The following KLHL29 variants were observed in gnomAD, a reference collection of about 807,000 sequenced individuals.
The protein encoded by KLHL29 is kelch like family member 29.
KLHL29 carries 21 observed loss-of-function variants against 80.4 expected under a neutral mutation model. The ratio of observed to expected loss-of-function variants is 0.26; its 90% CI spans 0.19 to 0.38. KLHL29 has a LOEUF of 0.38. Ranked by LOEUF, KLHL29 falls within the 10% of genes least tolerant of loss-of-function variation. The pLI, the probability that KLHL29 is intolerant of heterozygous loss-of-function variation, is 1.00. For synonymous variants in KLHL29, 511 were observed against 526.8 expected (o/e 0.97, Z 0.41); for missense variants, 867 against 1,223.9 (o/e 0.71, Z 4.35).
intron 2 of KLHL29, among the ~76,000 whole-genome samples, chr2:23,535,617 A>G (rs1376421014): frequency 6.6e-6 from 1 of 152,228 alleles, no homozygotes; most frequent in Admixed American, 6.5e-5. Flanking sequence ...ACATAGATGA[A>G]CCTTGAAGAC....
At chr2:23,635,921 G>A (rs1669595769) in intron 3 of KLHL29, among the ~76,000 whole-genome samples, 1 of 152,270 alleles carries the variant, frequency 6.6e-6, no homozygotes, top group Admixed American at 6.5e-5. Context: ...TGCTGCCCGG[G>A]CTAAGTTCTT....
At chr2:23,386,347 C>T (rs899755841) in intron 1 of KLHL29, among the ~76,000 whole-genome samples, 1 of 152,160 alleles carries the variant, frequency 6.6e-6, no homozygotes, top group African/African-American at 2.4e-5. Flanking sequence ...TTTACTCAAT[C>T]CCAAGTAACT....
At chr2:23,547,172 T>G (rs1224083268) in intron 2 of KLHL29, among the ~76,000 whole-genome samples, 3 of 152,152 alleles carry the variant, frequency 2.0e-5, no homozygotes, top group Non-Finnish European at 4.4e-5. Context: ...CACCTTGCCC[T>G]TGTGCTCCCA....
chr2:23,686,381 G>A (rs907533630), intron 6 of KLHL29, among the ~76,000 whole-genome samples: 22 of 152,292 alleles, frequency 1.4e-4, no homozygotes, highest in Non-Finnish European at 2.4e-4. Context: ...TGGGTCCTAC[G>A]CCTGACTCCG....
intron 3 of KLHL29, among the ~76,000 whole-genome samples, chr2:23,600,409 T>G (rs561205928): frequency 2.0e-5 from 3 of 152,266 alleles, no homozygotes; most frequent in African/African-American, 7.2e-5. Context: ...GAGAAAAGAT[T>G]AGATGCTTGA....
chr2:23,466,976 A>C (rs974946312), intron 1 of KLHL29, among the ~76,000 whole-genome samples: 5 of 152,138 alleles, frequency 3.3e-5, no homozygotes, highest in African/African-American at 9.7e-5. Flanking sequence ...GAGAGTTAGG[A>C]AGCCCCGGGT....
chr2:23,530,475 G>A (rs915660537), intron 2 of KLHL29, among the ~76,000 whole-genome samples: 17 of 152,170 alleles, frequency 1.1e-4, no homozygotes, highest in African/African-American at 4.1e-4. Context: ...GAATAAAGGA[G>A]CCCTCCCCCA....
intron 3 of KLHL29, among the ~76,000 whole-genome samples, chr2:23,612,736 A>G (rs1668899463): frequency 6.6e-6 from 1 of 152,144 alleles, no homozygotes; most frequent in Non-Finnish European, 1.5e-5. Flanking sequence ...AGCGAGTCTC[A>G]ATCTCAAAAA....
intron 2 of KLHL29, among the ~76,000 whole-genome samples, chr2:23,530,353 A>AC (rs919941414): frequency 2.4e-4 from 36 of 152,114 alleles, no homozygotes; most frequent in African/African-American, 8.4e-4. Flanking sequence ...CAAGGATCAG[A>AC]CCCCCTCTCT....
intron 3 of KLHL29, among the ~76,000 whole-genome samples, chr2:23,584,574 C>T (rs776455866): frequency 1.3e-5 from 2 of 152,154 alleles, no homozygotes; most frequent in Non-Finnish European, 2.9e-5. Context: ...AAGCCTTTGG[C>T]GACATTGTAA....
chr2:23,610,290 G>T (rs1001946780), intron 3 of KLHL29, among the ~76,000 whole-genome samples: 4 of 152,208 alleles, frequency 2.6e-5, no homozygotes, highest in African/African-American at 9.7e-5. Flanking sequence ...GCACCTTGCT[G>T]TATTCGTTCT....
At chr2:23,673,656 A>G (rs1321725205) in intron 5 of KLHL29, among the ~76,000 whole-genome samples, 1 of 149,768 alleles carries the variant, frequency 6.7e-6, no homozygotes, top group Admixed American at 6.6e-5. Flanking sequence ...CCCTACACAG[A>G]CACATACACA....
chr2:23,460,507 A>G (rs1015131295), intron 1 of KLHL29, among the ~76,000 whole-genome samples: 6 of 152,184 alleles, frequency 3.9e-5, no homozygotes, highest in Non-Finnish European at 8.8e-5. Flanking sequence ...AGCCCATTAC[A>G]AAGAATTATC....
intron 3 of KLHL29, among the ~76,000 whole-genome samples, chr2:23,605,777 T>A (rs977045622): frequency 1.3e-5 from 2 of 151,720 alleles, no homozygotes; most frequent in Non-Finnish European, 2.9e-5. Context: ...AAAACCGTTT[T>A]TTTTTTTTTT....
rs116126781 is a variant in KLHL29, at chr2:23,604,445, G to A, written c.286-34694G>A. Among the ~76,000 whole-genome samples, 769 of 152,282 alleles carry A rather than the reference G, an allele frequency of 5.0e-3. 8 individuals are homozygous for A. The highest frequency in any genetic ancestry group is 0.018 in the African/African-American group (750 of 41,568). On this transcript the variant is annotated intron_variant, in intron 3 of 13. Transcript: ENST00000486442. ...ACTGAGGCAGTTGCTGCTGGTTACCGGGCTTGCTAATAAATGGCCCCACTG... is the reference window on the plus strand; with the variant it reads ...ACTGAGGCAGTTGCTGCTGGTTACCAGGCTTGCTAATAAATGGCCCCACTG...
In KLHL29 at chr2:23,703,056, T is replaced by C. The variant is rs995936722; in HGVS notation, c.2106-130T>C. 11 of 584,112 alleles carry C rather than the reference T, an allele frequency of 1.9e-5. No homozygotes were observed. The Admixed American group carries it at 2.1e-4, about 11-fold the overall frequency. 36.2% of individuals were successfully genotyped at this position (584,112 alleles called of 1,614,324 possible). A position where few individuals can be genotyped will look rare whatever the true frequency, so the allele number is the denominator to read the frequency against. The stretch of plus-strand genomic sequence containing the variant: ...GTCTCATCGCAGTGCCCCCCACTGC[T>C]GGTGTGATCTCAGGCTATGCTGGCC... On this transcript the variant is annotated intron_variant, in intron 11 of 13. Transcript: ENST00000486442.
At chr2:23,665,575 T>C (rs1166651945) in intron 5 of KLHL29, among the ~76,000 whole-genome samples, 2 of 152,174 alleles carry the variant, frequency 1.3e-5, no homozygotes, top group African/African-American at 2.4e-5. Context: ...GGGTAATTTA[T>C]AAAGAAAAGA....
At chr2:23,490,913 C>A (rs781643572) in intron 2 of KLHL29, among the ~76,000 whole-genome samples, 2 of 152,204 alleles carry the variant, frequency 1.3e-5, no homozygotes, top group East Asian at 3.9e-4. Context: ...TGAACCCTAG[C>A]CCTCTTTCCT....
chr2:23,399,537 G>A (rs115328571), intron 1 of KLHL29, among the ~76,000 whole-genome samples: 3,380 of 152,234 alleles, frequency 0.022, 117 homozygotes, highest in African/African-American at 0.074. Flanking sequence ...CGTGTTACCC[G>A]CTCTGTGCTG....
Sources: gnomAD v4.1 joint callset for allele counts (sites outside exome capture counted in the v4.1 genomes callset) on GRCh38, gnomAD v4.1.1 for gene constraint, MANE v1.5 for transcripts, NCBI Gene and HGNC (gene_info 2026-07-23, HGNC 2026-07-21) for gene names.